Variants in TMEM135 observed in about 807,000 individuals in gnomAD.
TMEM135 encodes peroxisomal membrane protein 52.
TMEM135 carries 30 observed loss-of-function variants against 60.3 expected under a neutral mutation model. The observed-to-expected ratio is 0.50, with a 90% CI of 0.37 to 0.68. TMEM135 has a LOEUF of 0.68. Ranked by LOEUF, TMEM135 falls within the 30% of genes least tolerant of loss-of-function variation. The pLI, the probability that TMEM135 is intolerant of heterozygous loss-of-function variation, is 0.00. For missense variants in TMEM135, 468 were observed against 548.8 expected, an observed-to-expected ratio of 0.85 and a Z score of 1.47; for synonymous variants, 190 against 186.7, an observed-to-expected ratio of 1.02 and a Z score of -0.14.
chr11:87,182,077 G>A lies in TMEM135; in HGVS notation c.462+24671G>A, dbSNP rs1047258443. Among the ~76,000 whole-genome samples the A allele has an allele frequency of 7.9e-5, 12 of 151,474 alleles. No homozygotes were observed. The East Asian group carries it at 2.3e-3, about 29-fold the overall frequency. ...AGCATTTGCCAAAACTAAAAATATA[G>A]AATAATATTTTTATATGTAATATCT... On this transcript the variant is annotated intron_variant, in intron 5 of 14. Coordinates refer to ENST00000305494, the MANE Select transcript of TMEM135 (RefSeq NM_022918.4).
At chr11:87,273,030 GTCTT>G (rs1197214445) in intron 6 of TMEM135, among the ~76,000 whole-genome samples, 51 of 152,114 alleles carry the variant, frequency 3.4e-4, no homozygotes, top group African/African-American at 1.2e-3. Context: ...CAATTATCCT[GTCTT>G]TCTTCCATCT....
At chr11:87,210,664 G>T (rs928221701) in intron 5 of TMEM135, among the ~76,000 whole-genome samples, 34 of 152,068 alleles carry the variant, frequency 2.2e-4, no homozygotes, top group African/African-American at 6.5e-4. Flanking sequence ...AACTCACTCT[G>T]TGAAGCCAGC....
chr11:87,196,045 A>G (rs537241406), intron 5 of TMEM135, among the ~76,000 whole-genome samples: 18 of 152,118 alleles, frequency 1.2e-4, no homozygotes, highest in African/African-American at 4.3e-4. Context: ...AGACTATTTT[A>G]TGGCAGTTAT....
chr11:87,323,881 T>C lies in TMEM135; in HGVS notation c.*2548T>C. On this transcript the variant is annotated 3_prime_UTR_variant, in exon 15 of 15. Transcript: ENST00000305494. ...GTTTTATTTTCCCATAAATTCTGCT[T>C]TTGCTTCTGTAACTTTTTTCTTGAA... 1 of 452,112 alleles carries C rather than the reference T, an allele frequency of 2.2e-6. No individual in the cohort carries two copies. The highest frequency in any genetic ancestry group is 4.4e-6 in the Non-Finnish European group (1 of 226,386). The allele number at this position is 452,112 out of a possible 1,614,324, so 28.0% of individuals were successfully genotyped here.
At chr11:87,227,920 T>G (rs1208046911) in intron 5 of TMEM135, among the ~76,000 whole-genome samples, 1 of 152,164 alleles carries the variant, frequency 6.6e-6, no homozygotes, top group African/African-American at 2.4e-5. Context: ...GAAACTAACA[T>G]TATAAAAACT....
chr11:87,056,616 C>G (rs1432025719), intron 1 of TMEM135, among the ~76,000 whole-genome samples: 1 of 152,142 alleles, frequency 6.6e-6, no homozygotes, highest in Non-Finnish European at 1.5e-5. Flanking sequence ...AACCTTTTAA[C>G]ATTGGCTTTA....
chr11:87,167,095 T>A (rs1455897230), intron 5 of TMEM135, among the ~76,000 whole-genome samples: 1 of 152,194 alleles, frequency 6.6e-6, no homozygotes, highest in East Asian at 1.9e-4. Flanking sequence ...GCTCAAGATT[T>A]GGCGTTCTCT....
At chr11:87,049,894 A>G (rs1949826555) in intron 1 of TMEM135, among the ~76,000 whole-genome samples, 1 of 110,514 alleles carries the variant, frequency 9.0e-6, no homozygotes, top group Admixed American at 9.3e-5. Flanking sequence ...CACCTATTCC[A>G]AAATTGACCA....
At chr11:87,208,142 C>T (rs1425982042) in intron 5 of TMEM135, among the ~76,000 whole-genome samples, 1 of 152,176 alleles carries the variant, frequency 6.6e-6, no homozygotes, top group African/African-American at 2.4e-5. Context: ...AAGAACCAGC[C>T]AAGAATTCTG....
At chr11:87,228,464 C>T (rs76120903) in intron 5 of TMEM135, among the ~76,000 whole-genome samples, 8,152 of 152,076 alleles carry the variant, frequency 0.054, 341 homozygotes, top group Non-Finnish European at 0.074. Context: ...GAAGTACAGA[C>T]GGCGCAAGAG....
chr11:87,219,711 A>G (rs1242147529), intron 5 of TMEM135, among the ~76,000 whole-genome samples: 1 of 152,102 alleles, frequency 6.6e-6, no homozygotes. Context: ...TTTTTGGGGG[A>G]CACAATCAGT....
chr11:87,099,973 G>C lies in TMEM135; in HGVS notation c.396+8578G>C, dbSNP rs374961763. On this transcript the variant is annotated intron_variant, in intron 4 of 14. Coordinates refer to ENST00000305494, the MANE Select transcript of TMEM135 (RefSeq NM_022918.4). ...TGGGATTACAGGTGTGAGCCACCAA[G>C]TTTAGTTTTTAAAGAAACTGTCAAA... 3.1e-4 allele frequency among the ~76,000 whole-genome samples: 47 copies of C among 152,132 alleles called. No individual in the cohort carries two copies. In the South Asian group the frequency reaches 9.1e-3, roughly 30 times the overall value.
intron 7 of TMEM135, among the ~76,000 whole-genome samples, chr11:87,298,786 C>CAAAAAAA (rs59740138): frequency 0.11 from 6,126 of 57,292 alleles, 934 homozygotes; most frequent in African/African-American, 0.2. Flanking sequence ...GACTCTGTCT[C>CAAAAAAA]AAAAAAAAAA....
chr11:87,263,060 T>C (rs1171932133), intron 6 of TMEM135, among the ~76,000 whole-genome samples: 3 of 152,018 alleles, frequency 2.0e-5, no homozygotes, highest in African/African-American at 2.4e-5. Flanking sequence ...AGTTACGTAA[T>C]TACATTAAGA....
intron 12 of TMEM135, among the ~76,000 whole-genome samples, chr11:87,316,807 C>G (rs889467055): frequency 2.6e-5 from 4 of 151,460 alleles, no homozygotes; most frequent in African/African-American, 9.7e-5. Context: ...TGGTATCTCT[C>G]TGTTTCTTGT....
chr11:87,303,149 A>C (rs2135440972), intron 8 of TMEM135, among the ~76,000 whole-genome samples: 1 of 152,254 alleles, frequency 6.6e-6, no homozygotes, highest in African/African-American at 2.4e-5. Flanking sequence ...CTGGCCACAC[A>C]GCAGGAGGTG....
Position 87,263,014 on chromosome 11 carries a change from C to A in TMEM135, c.509+26330C>A, listed in dbSNP as rs527578398. Among the ~76,000 whole-genome samples, 243 of 146,452 alleles carry A rather than the reference C, an allele frequency of 1.7e-3. 2 individuals are homozygous for A. Among genetic ancestry groups the A allele is most frequent in the African/African-American group, 5.9e-3 (231 of 39,362 alleles). ...ACTCAGTTTTCATGGAAAAAAAAAA[C>A]CTTTCTTCCTTTTTGTTTTATGTAA... On this transcript the variant is annotated intron_variant, in intron 6 of 14. Transcript: ENST00000305494.
At chr11:87,304,370 ACC>A (rs994373588) in intron 8 of TMEM135, among the ~76,000 whole-genome samples, 7 of 151,910 alleles carry the variant, frequency 4.6e-5, no homozygotes, top group African/African-American at 1.7e-4. Context: ...ACAGAGTGAC[ACC>A]CCCATCACTT....
intron 1 of TMEM135, among the ~76,000 whole-genome samples, chr11:87,046,811 T>C (rs577398158): frequency 2.6e-5 from 4 of 152,210 alleles, no homozygotes; most frequent in East Asian, 1.9e-4. Context: ...TATGAAGAGA[T>C]TGAGGTGGTA....
Sources: gnomAD v4.1 joint callset for allele counts (sites outside exome capture counted in the v4.1 genomes callset) on GRCh38, gnomAD v4.1.1 for gene constraint, MANE v1.5 for transcripts, NCBI Gene and HGNC (gene_info 2026-07-23, HGNC 2026-07-21) for gene names.